The following KNDC1 variants were observed in gnomAD, a reference collection of about 807,000 sequenced individuals.
KNDC1 encodes kinase non-catalytic C-lobe domain containing 1.
Under a neutral mutation model 172.8 loss-of-function variants are expected in KNDC1, and 106 were observed. The ratio of observed to expected loss-of-function variants is 0.61; its 90% confidence interval spans 0.52 to 0.72. The LOEUF (loss-of-function observed/expected upper bound fraction) is 0.72, where lower values mean the gene tolerates loss of function less well. KNDC1 is among the 30% of genes least tolerant of loss of function. The pLI is 0.00. For missense variants in KNDC1, 2,325 were observed against 2,394.5 expected (o/e 0.97, Z 0.61); for synonymous variants, 1,083 against 1,062.2 (o/e 1.02, Z -0.38).
Position 133,186,452 on chromosome 10 carries a change from G to A in KNDC1, c.1104G>A (p.Glu368=), listed in dbSNP as rs1853921016. ...AATGCAGGCTGTGGCCGGAGCAGGA[G>A]CCGGAACACCAGCTGGGACGGGTTC... ...QPKCRLWPEQ[E]PEHQLGRVPC... is the part of the protein sequence containing the mutation. Residue 368 remains glutamate, a synonymous_variant, in exon 6 of 30, where the codon GAG becomes GAA. Coordinates refer to ENST00000304613, the MANE Select transcript of KNDC1 (RefSeq NM_152643.8). 3 of 1,612,556 alleles carry A rather than the reference G, an allele frequency of 1.9e-6. No individual in the cohort carries two copies. The highest frequency in any genetic ancestry group is 2.5e-6 in the Non-Finnish European group (3 of 1,179,842).
chr10:133,172,629 C>G (rs1047278479), intron 3 of KNDC1, among the ~76,000 whole-genome samples: 4 of 152,204 alleles, frequency 2.6e-5, no homozygotes, highest in Non-Finnish European at 2.9e-5. Context: ...CCTTGAAAGT[C>G]TGGTAAAACT....
chr10:133,188,228 AATGT>A (rs1256673857), intron 6 of KNDC1, among the ~76,000 whole-genome samples: 2 of 152,116 alleles, frequency 1.3e-5, no homozygotes, highest in Non-Finnish European at 2.9e-5. Context: ...TTCCTCGGGG[AATGT>A]GGCCGTGTGG....
chr10:133,211,569 G>A lies in KNDC1; in HGVS notation c.4056G>A (p.Lys1352=). 6.2e-7 allele frequency: 1 copy of A among 1,613,340 alleles called. No homozygotes were observed. The highest frequency in any genetic ancestry group is 1.3e-5 in the African/African-American group (1 of 75,032). ...LGKLEDFISS[K]ILPLDGSAKH... is the part of the protein sequence containing the mutation. ...AGCTAGAGGACTTCATCTCCTCCAA[G>A]GTGACAGTGGCGCTGAGCTGGGCGG... is the stretch of plus-strand genomic sequence containing the variant. The change falls in exon 22 of 30, where the codon AAG becomes AAA. Residue 1352 remains lysine (K), a splice_region_variant and synonymous_variant. Transcript: ENST00000304613.
At chr10:133,177,480 GC>G (rs1487239820) in intron 3 of KNDC1, among the ~76,000 whole-genome samples, 1 of 152,162 alleles carries the variant, frequency 6.6e-6, no homozygotes, top group Non-Finnish European at 1.5e-5. Flanking sequence ...ATGTGTGCAT[GC>G]ATGTAGTATG....
chr10:133,168,124 T>C lies in KNDC1; in HGVS notation c.302-130T>C, dbSNP rs1431329095. On this transcript the variant is annotated intron_variant, in intron 2 of 29. Coordinates refer to ENST00000304613, the MANE Select transcript of KNDC1 (RefSeq NM_152643.8). ...GATTTCCCTTTTTCATGGCCTAAAA[T>C]GGTCTGGGGACACCAGGTCTGCGGG... is the stretch of plus-strand genomic sequence containing the variant. 6 of 780,876 alleles carry C rather than the reference T, an allele frequency of 7.7e-6. No individual in the cohort carries two copies. The East Asian group carries it at 1.5e-4, about 19-fold the overall frequency. 48.4% of individuals were successfully genotyped at this position (780,876 alleles called of 1,614,324 possible).
At chr10:133,206,360 C>T (rs1190673159) in intron 17 of KNDC1, among the ~76,000 whole-genome samples, 6 of 152,270 alleles carry the variant, frequency 3.9e-5, no homozygotes, top group South Asian at 2.1e-4. Context: ...CCTGCTTGGG[C>T]AGGAGGGCCT....
At chr10:133,207,736 C>CG (rs1285857405) in intron 20 of KNDC1, among the ~76,000 whole-genome samples, 1 of 152,248 alleles carries the variant, frequency 6.6e-6, no homozygotes, top group Non-Finnish European at 1.5e-5. Flanking sequence ...GCTCCAGGGA[C>CG]GGGTGAGGCT....
chr10:133,221,017 A>C (rs114616116), intron 29 of KNDC1, among the ~76,000 whole-genome samples: 297 of 152,110 alleles, frequency 2.0e-3, no homozygotes, highest in African/African-American at 6.7e-3. Flanking sequence ...TTCTCTGCAA[A>C]TCTGGAGCAT....
intron 3 of KNDC1, 136 bp from the exon 4 acceptor site, chr10:133,183,208 G>T: frequency 9.0e-7 from 1 of 1,107,622 alleles, no homozygotes; most frequent in South Asian, 1.6e-5. Context: ...TGGGCAGCGT[G>T]GGCACGGGTG....
In KNDC1 at chr10:133,197,662, A is replaced by G. The variant is rs758094569; in HGVS notation, c.1813-13A>G. The G allele has an allele frequency of 7.5e-6, 12 of 1,603,578 alleles. No homozygotes were observed. In the African/African-American group the frequency reaches 1.5e-4, roughly 20 times the overall value. ...CGTGGTCACCTGGCCCAGGGCTGTC[A>G]CCTCCTCCCCAGGTGTACCAGGAGG... is the stretch of plus-strand genomic sequence containing the variant. On this transcript the variant is annotated splice_polypyrimidine_tract_variant and intron_variant, in intron 11 of 29. Transcript: ENST00000304613.
intron 28 of KNDC1, 133 bp downstream of exon 28, chr10:133,219,223 T>A (rs1589777248): frequency 9.2e-7 from 1 of 1,092,390 alleles, no homozygotes; most frequent in Non-Finnish European, 1.3e-6. Context: ...CAGGGTGGCC[T>A]CACGGAGGCC....
chr10:133,199,411 G>A, intron 14 of KNDC1, 47 bp from the exon 15 acceptor site: 1 of 1,599,710 alleles, frequency 6.3e-7, no homozygotes, highest in Non-Finnish European at 8.5e-7. Context: ...AACCAGATGA[G>A]CAGCCCTGCC....
At chr10:133,220,889 C>T (rs956009157) in intron 29 of KNDC1, among the ~76,000 whole-genome samples, 5 of 151,990 alleles carry the variant, frequency 3.3e-5, no homozygotes, top group African/African-American at 9.7e-5. Context: ...AGGTGGGGCA[C>T]GCTCAGGTGG....
chr10:133,214,194 A>G (rs1845431021), intron 26 of KNDC1, 72 bp downstream of exon 26: 3 of 1,543,068 alleles, frequency 1.9e-6, no homozygotes, highest in Non-Finnish European at 2.7e-6. Context: ...AGCGCCTCCT[A>G]TAAGGCCGTG....
In KNDC1 at chr10:133,195,806, G is replaced by A. The variant is rs1188047118; in HGVS notation, c.1719G>A (p.Ala573=). ...GCAGTGCCCCGGAGCGGCCGTCCGCGGCTGAGGCCATCAAGGTAACCACAC... is the reference window on the plus strand; with the variant it reads ...GCAGTGCCCCGGAGCGGCCGTCCGCAGCTGAGGCCATCAAGGTAACCACAC... The part of the protein sequence containing the change: ...ARRSAPERPS[A]AEAIKVCGSY... The change falls in exon 10 of 30, where the codon GCG becomes GCA. Residue 573 remains alanine (A), a synonymous_variant. Coordinates refer to ENST00000304613, the MANE Select transcript of KNDC1 (RefSeq NM_152643.8). 3.0e-5 allele frequency: 47 copies of A among 1,569,340 alleles called. No individual in the cohort carries two copies. Among genetic ancestry groups the A allele is most frequent in the African/African-American group, 6.8e-5 (5 of 73,670 alleles).
At chr10:133,222,238 G>C (rs1485577695) in intron 29 of KNDC1, among the ~76,000 whole-genome samples, 36 of 148,300 alleles carry the variant, frequency 2.4e-4, no homozygotes, top group Middle Eastern at 3.5e-3. Flanking sequence ...AGCCGAGATC[G>C]CGCCACCGCA....
intron 3 of KNDC1, among the ~76,000 whole-genome samples, chr10:133,169,657 C>T (rs536119310): frequency 3.3e-5 from 5 of 152,246 alleles, no homozygotes; most frequent in Admixed American, 6.5e-5. Flanking sequence ...GTGGCCGTGA[C>T]GCGGCACGTG....
chr10:133,186,206 G>A lies in KNDC1; in HGVS notation c.858G>A (p.Glu286=), dbSNP rs776027371. The A allele has an allele frequency of 1.3e-6, 2 of 1,572,816 alleles. No individual in the cohort carries two copies. The highest frequency in any genetic ancestry group is 2.3e-5 in the South Asian group (2 of 85,464). ...EGLAGLVLDA[E]RTLGELDRDA... ...TGGCCGGCCTCGTCCTGGATGCCGA[G>A]CGCACCCTCGGGGAGCTGGACAGAG... Residue 286 remains glutamate, a synonymous_variant, in exon 6 of 30, where the codon GAG becomes GAA. Transcript: ENST00000304613.
chr10:133,204,122 A>C (rs1854456786), intron 17 of KNDC1, among the ~76,000 whole-genome samples: 1 of 152,150 alleles, frequency 6.6e-6, no homozygotes. Context: ...CCCATGGTGC[A>C]GGCCATGGGG....
Sources: allele counts gnomAD v4.1 joint callset (sites outside exome capture counted in the v4.1 genomes callset), GRCh38; gene constraint gnomAD v4.1.1; transcripts MANE v1.5; gene names NCBI Gene and HGNC (gene_info 2026-07-23, HGNC 2026-07-21).